Variants in PRKCA observed in about 807,000 individuals in gnomAD.
PRKCA encodes protein kinase C alpha type.
Under a neutral mutation model 87.0 loss-of-function variants are expected in PRKCA, and 27 were observed. That is an observed-to-expected ratio of 0.31 (90% CI 0.23 to 0.43). The LOEUF (loss-of-function observed/expected upper bound fraction) is 0.43. Among genes scored for constraint, PRKCA ranks in the 20% least tolerant of loss-of-function variants. PRKCA has a pLI of 1.00. For synonymous variants in PRKCA, 329 were observed against 311.1 expected (o/e 1.06, Z -0.61); for missense variants, 518 against 852.3 (o/e 0.61, Z 4.88).
At chr17:66,540,804 C>T (rs1433598633) in intron 3 of PRKCA, among the ~76,000 whole-genome samples, 2 of 152,108 alleles carry the variant, frequency 1.3e-5, no homozygotes, top group Admixed American at 6.5e-5. Flanking sequence ...CAGAGGCAGT[C>T]GAGGGTAATT....
rs1289928115 is a variant in PRKCA, at chr17:66,803,882, G to T, written c.1864G>T (p.Gly622Ter). 6.2e-7 allele frequency: 1 copy of T among 1,613,602 alleles called. No individual in the cohort carries two copies. Among genetic ancestry groups the T allele is most frequent in the Non-Finnish European group, 8.5e-7 (1 of 1,179,776 alleles). ...TGTCTTTTCTCCACAGTGTGGCAAAGGAGCAGAGAACTTTGACAAGTTCTT... is the reference window on the plus strand; with the variant it reads ...TGTCTTTTCTCCACAGTGTGGCAAATGAGCAGAGAACTTTGACAAGTTCTT... The part of the protein sequence containing the change: ...PPFKPKVCGK[G>*]AENFDKFFTR... Residue 622 changes from glycine (G) to a stop codon, truncating the protein, a stop_gained, in exon 17 of 17, where the codon GGA becomes TGA. Transcript: ENST00000413366. LOFTEE classifies it high-confidence loss of function. The surrounding 1 kb of genome is among the most constrained non-coding windows in gnomAD (Gnocchi z 4.4).
chr17:66,332,126 T>G (rs1906362904), intron 2 of PRKCA, among the ~76,000 whole-genome samples: 1 of 151,936 alleles, frequency 6.6e-6, no homozygotes, highest in African/African-American at 2.4e-5. Flanking sequence ...AAGTAATACC[T>G]CTTGGAATAG....
intron 2 of PRKCA, among the ~76,000 whole-genome samples, chr17:66,427,002 TG>T (rs1218592338): frequency 6.6e-6 from 1 of 152,168 alleles, no homozygotes; most frequent in African/African-American, 2.4e-5. Flanking sequence ...TGGCAAACTA[TG>T]GTCCATGAGA....
At chr17:66,340,376 T>TTTCC (rs1906971418) in intron 2 of PRKCA, among the ~76,000 whole-genome samples, 2 of 130,636 alleles carry the variant, frequency 1.5e-5, no homozygotes, top group Admixed American at 1.6e-4. Context: ...CTTTTTTTTT[T>TTTCC]TTTCTTTTTT....
intron 5 of PRKCA, among the ~76,000 whole-genome samples, chr17:66,664,776 C>T (rs1328627627): frequency 6.6e-6 from 1 of 151,018 alleles, no homozygotes; most frequent in African/African-American, 2.4e-5. Flanking sequence ...TCTGCCTCAG[C>T]CCCTGTAGCT....
intron 3 of PRKCA, among the ~76,000 whole-genome samples, chr17:66,582,724 A>C (rs8072557): frequency 0.36 from 55,269 of 151,992 alleles, 10,671 homozygotes; most frequent in African/African-American, 0.47. Context: ...GTAGTTTTCC[A>C]TTCCCCTAGT....
chr17:66,691,810 CGTTCCCCACAGG>C (rs1972793270), intron 8 of PRKCA, among the ~76,000 whole-genome samples: 1 of 152,322 alleles, frequency 6.6e-6, no homozygotes, highest in South Asian at 2.1e-4. Context: ...ACAGCACGGG[CGTTCCCCACAGG>C]GTTCCTCACA....
chr17:66,688,175 TA>T, intron 6 of PRKCA, 126 bp from the exon 7 acceptor site: 2 of 1,209,268 alleles, frequency 1.7e-6, no homozygotes, highest in Non-Finnish European at 2.3e-6. Flanking sequence ...AAGGGGTTGG[TA>T]TTTTACTGGA....
chr17:66,364,626 C>T lies in PRKCA; in HGVS notation c.205+58499C>T, dbSNP rs149643849. On this transcript the variant is annotated intron_variant, in intron 2 of 16. Coordinates refer to ENST00000413366, the MANE Select transcript of PRKCA (RefSeq NM_002737.3). ...CAATGTGATTGAAGTAGGGGGAGTG[C>T]GGGAGCAGGGAGGGTGTGATTGATG... is the stretch of plus-strand genomic sequence containing the variant. 3.3e-4 allele frequency among the ~76,000 whole-genome samples: 50 copies of T among 152,150 alleles called. No homozygotes were observed. In the East Asian group the frequency reaches 5.0e-3, roughly 15 times the overall value.
chr17:66,421,482 G>A (rs1912492159), intron 2 of PRKCA, among the ~76,000 whole-genome samples: 3 of 142,610 alleles, frequency 2.1e-5, no homozygotes, highest in Admixed American at 1.4e-4. Flanking sequence ...GCTTTATAGG[G>A]AAAGATAGCT....
At chr17:66,366,860 C>T (rs573243446) in intron 2 of PRKCA, among the ~76,000 whole-genome samples, 5 of 152,190 alleles carry the variant, frequency 3.3e-5, no homozygotes, top group African/African-American at 1.2e-4. Context: ...CAAAATCAGT[C>T]TTTTAAAAAA....
At chr17:66,756,086 T>C (rs1281203037) in intron 13 of PRKCA, among the ~76,000 whole-genome samples, 1 of 152,188 alleles carries the variant, frequency 6.6e-6, no homozygotes, top group Non-Finnish European at 1.5e-5. Context: ...TCCACGCGTT[T>C]TGGAGTTTTC....
rs186839913 is a variant in PRKCA at position 66,540,136 on chromosome 17, C to T, written c.288+43853C>T. On this transcript the variant is annotated intron_variant, in intron 3 of 16. Transcript: ENST00000413366. ...TTGGGAACCCTAGGCCAGCAAACTTCGGGAAGTGTCTGTGGCAGCTTGAAT... is the reference window on the plus strand; with the variant it reads ...TTGGGAACCCTAGGCCAGCAAACTTTGGGAAGTGTCTGTGGCAGCTTGAAT... Among the ~76,000 whole-genome samples, 61 of 152,206 alleles carry T rather than the reference C, an allele frequency of 4.0e-4. No homozygotes were observed. In the East Asian group the frequency reaches 5.6e-3, roughly 14 times the overall value.
chr17:66,591,319 A>ATT lies in PRKCA; in HGVS notation c.289-50023_289-50022dup, dbSNP rs5821514. ...AGGCGTGCACCACCATGCCCAGCTA[A>ATT]TTTTTTTTTTTTTTATTTTAGTAGG... On this transcript the variant is annotated intron_variant, in intron 3 of 16. Transcript: ENST00000413366. Among the ~76,000 whole-genome samples, 242 of 146,124 alleles carry ATT rather than the reference A, an allele frequency of 1.7e-3. 1 individual carries two copies. The highest frequency in any genetic ancestry group is 5.3e-3 in the African/African-American group (211 of 39,800).
chr17:66,632,482 C>T (rs900466329), intron 3 of PRKCA, among the ~76,000 whole-genome samples: 6 of 152,096 alleles, frequency 3.9e-5, no homozygotes, highest in Admixed American at 3.3e-4. Context: ...TGGGCTCAAG[C>T]AGTCCTCCCA....
At chr17:66,778,227 G>C in intron 14 of PRKCA, 2 of 984,350 alleles carry the variant, frequency 2.0e-6, no homozygotes, top group Non-Finnish European at 2.4e-6. Context: ...ATTAAAAACG[G>C]TGATGGCTGG....
chr17:66,663,336 G>A (rs1182549097), intron 5 of PRKCA, among the ~76,000 whole-genome samples: 1 of 152,208 alleles, frequency 6.6e-6, no homozygotes, highest in African/African-American at 2.4e-5. Flanking sequence ...GTCTTTGTTT[G>A]CCACACTGAT....
chr17:66,587,895 GTATATATATATATATATATA>G (rs71160580), intron 3 of PRKCA, among the ~76,000 whole-genome samples: 16 of 85,396 alleles, frequency 1.9e-4, no homozygotes, highest in South Asian at 1.3e-3. Flanking sequence ...GTGTGTGTGT[GTATATATATATATATATATA>G]TATATATATA....
intron 2 of PRKCA, among the ~76,000 whole-genome samples, chr17:66,477,277 AAAT>A (rs750906134): frequency 7.2e-5 from 11 of 152,224 alleles, no homozygotes; most frequent in Non-Finnish European, 1.6e-4. Context: ...TAAAATTTGG[AAAT>A]AAGGCATAAA....
Sources: gnomAD v4.1 joint callset for allele counts (sites outside exome capture counted in the v4.1 genomes callset) on GRCh38, gnomAD v4.1.1 for gene constraint, Gnocchi (gnomAD v3.1) non-coding constraint, MANE v1.5 for transcripts, NCBI Gene and HGNC (gene_info 2026-07-23, HGNC 2026-07-21) for gene names.